Variants in EFHD1 observed in about 807,000 individuals in gnomAD.
EFHD1 encodes EF-hand domain-containing protein D1.
EFHD1 carries 10 observed loss-of-function variants against 17.2 expected under a neutral mutation model. The observed-to-expected ratio is 0.58, with a 90% confidence interval of 0.36 to 0.99. The LOEUF (loss-of-function observed/expected upper bound fraction) is 0.99. EFHD1 is among the 50% of genes least tolerant of loss of function. The pLI, the probability that EFHD1 is intolerant of heterozygous loss-of-function variation, is 0.01. For missense variants in EFHD1, 310 were observed against 327.5 expected (o/e 0.95, Z 0.41); for synonymous variants, 153 against 142.0 (o/e 1.08, Z -0.55).
chr2:232,615,288 C>T (rs937977837), intron 1 of EFHD1, among the ~76,000 whole-genome samples: 5 of 149,860 alleles, frequency 3.3e-5, no homozygotes, highest in Non-Finnish European at 7.4e-5. Flanking sequence ...CCTTAACCCC[C>T]TGCATTGTTC....
chr2:232,639,460 C>G (rs1446055682), intron 1 of EFHD1, among the ~76,000 whole-genome samples: 1 of 151,914 alleles, frequency 6.6e-6, no homozygotes, highest in African/African-American at 2.4e-5. Context: ...GCGCTGGGAT[C>G]ATAGGCATGG....
intron 1 of EFHD1, among the ~76,000 whole-genome samples, chr2:232,653,369 C>A (rs1052710994): frequency 6.6e-6 from 1 of 152,176 alleles, no homozygotes; most frequent in Admixed American, 6.5e-5. Flanking sequence ...TGGCTCACCA[C>A]AACCTCCACC....
chr2:232,623,330 G>A (rs1393486707), intron 1 of EFHD1, among the ~76,000 whole-genome samples: 1 of 152,192 alleles, frequency 6.6e-6, no homozygotes, highest in African/African-American at 2.4e-5. Flanking sequence ...ACTGGTGTGA[G>A]TCACGGCACC....
upstream of EFHD1, among the ~76,000 whole-genome samples, chr2:232,628,873 C>T (rs537767367): frequency 1.3e-5 from 2 of 152,280 alleles, no homozygotes; most frequent in Admixed American, 1.3e-4. Flanking sequence ...TCTGAGGCTA[C>T]ATCACAAAAG....
At chr2:232,620,265 G>A (rs1288014570) in intron 1 of EFHD1, among the ~76,000 whole-genome samples, 2 of 151,578 alleles carry the variant, frequency 1.3e-5, no homozygotes, top group Middle Eastern at 3.2e-3. Flanking sequence ...GCAGGCACCT[G>A]TAGTCCCAGC....
chr2:232,650,683 C>T (rs1451239041), intron 1 of EFHD1, among the ~76,000 whole-genome samples: 2 of 150,386 alleles, frequency 1.3e-5, no homozygotes, highest in South Asian at 2.1e-4. Flanking sequence ...ATTCTTGTGC[C>T]TCAGCCTCCC....
intron 1 of EFHD1, among the ~76,000 whole-genome samples, chr2:232,655,824 TGAGTCG>T (rs1694751610): frequency 7.4e-6 from 1 of 135,738 alleles, no homozygotes; most frequent in Non-Finnish European, 1.6e-5. Context: ...TTTTTTTTTT[TGAGTCG>T]GAATCTTGCT....
At position 232,633,757 on chromosome 2, in the gene EFHD1, AG is replaced by A. The variant is rs747814818; in HGVS notation, c.55del (p.Ala19ProfsTer37). 3.4e-6 allele frequency: 5 copies of A among 1,468,008 alleles called. No homozygotes were observed. The South Asian group carries it at 6.5e-5, about 19-fold the overall frequency. 90.9% of individuals were successfully genotyped at this position (1,468,008 alleles called of 1,614,324 possible). On this transcript the variant is annotated frameshift_variant, in exon 1 of 4. Transcript: ENST00000264059. LOFTEE classifies it high-confidence loss of function. ...CTGGAGCGCCGGCTGCGGCGCGAGG[AG>A]GCCGAGGAGAGTGGCCCCCAGCTGG... ...CKLERRLRRE[E>X]AEESGPQLAP...
chr2:232,627,582 C>T (rs889226512), intron 1 of EFHD1, among the ~76,000 whole-genome samples: 2 of 152,028 alleles, frequency 1.3e-5, no homozygotes, highest in African/African-American at 4.8e-5. Flanking sequence ...ATTGGATTTT[C>T]TTCATATACT....
intron 1 of EFHD1, among the ~76,000 whole-genome samples, chr2:232,607,432 T>TA (rs747178365): frequency 0.028 from 2,494 of 88,596 alleles, 32 homozygotes; most frequent in Middle Eastern, 0.05. Context: ...TCCTAAAAAT[T>TA]AAAAAAAAAA....
chr2:232,648,183 A>G (rs1268386528), intron 1 of EFHD1, among the ~76,000 whole-genome samples: 2 of 152,192 alleles, frequency 1.3e-5, no homozygotes, highest in Non-Finnish European at 2.9e-5. Flanking sequence ...TGGAGGCTGC[A>G]GTGAGCTAGT....
At chr2:232,632,275 C>T (rs1034369368), upstream of EFHD1, among the ~76,000 whole-genome samples, 2 of 152,178 alleles carry the variant, frequency 1.3e-5, no homozygotes, top group African/African-American at 4.8e-5. Flanking sequence ...CTTTAAAAAA[C>T]GTATTTTCCT....
At chr2:232,668,683 G>C (rs12694914) in intron 2 of EFHD1, among the ~76,000 whole-genome samples, 1 of 152,012 alleles carries the variant, frequency 6.6e-6, no homozygotes, top group Non-Finnish European at 1.5e-5. Context: ...ACCCAGGCTG[G>C]AGTGCAATGG....
At chr2:232,612,734 C>CTT (rs112158565) in intron 1 of EFHD1, among the ~76,000 whole-genome samples, 73 of 133,552 alleles carry the variant, frequency 5.5e-4, no homozygotes, top group African/African-American at 1.5e-3. Context: ...TTTTTCTTTT[C>CTT]TTTTTTTTTT....
chr2:232,647,498 A>G lies in EFHD1; in HGVS notation c.302+13492A>G, dbSNP rs113040994. On this transcript the variant is annotated intron_variant, in intron 1 of 3. Transcript: ENST00000264059. ...CTGGAACTGCACCAGGCACAGCCCA[A>G]ATGGAGTCTAGTGTGGAAACCCTGT... Among the ~76,000 whole-genome samples the G allele has an allele frequency of 1.7e-4, 26 of 152,290 alleles. 2 individuals are homozygous for G. The highest frequency in any genetic ancestry group is 6.3e-4 in the African/African-American group (26 of 41,566).
At chr2:232,617,232 C>A (rs1223218905) in intron 1 of EFHD1, among the ~76,000 whole-genome samples, 1 of 152,218 alleles carries the variant, frequency 6.6e-6, no homozygotes, top group Non-Finnish European at 1.5e-5. Flanking sequence ...ATGACCTAGT[C>A]TCAGAAGTGA....
At chr2:232,637,586 C>T (rs1362562239) in intron 1 of EFHD1, among the ~76,000 whole-genome samples, 1 of 152,090 alleles carries the variant, frequency 6.6e-6, no homozygotes, top group Admixed American at 6.5e-5. Flanking sequence ...TCAAATGATC[C>T]ACCCGCCTCA....
rs151000103 is a variant in EFHD1, at chr2:232,607,629, G to A, written c.14+1456G>A. Among the ~76,000 whole-genome samples the A allele has an allele frequency of 6.6e-5, 10 of 151,628 alleles. No individual in the cohort carries two copies. In the East Asian group the frequency reaches 1.8e-3, roughly 27 times the overall value. On this transcript the variant is annotated intron_variant, in intron 1 of 3. Transcript: ENST00000409613. Reference sequence around the variant, plus strand: ...AAATTAGCTGGGTGTAGTGCCATGCGCTTATAGTCCCAACTAATCAGGAGA... The same window carrying A: ...AAATTAGCTGGGTGTAGTGCCATGCACTTATAGTCCCAACTAATCAGGAGA...
At chr2:232,641,364 G>C (rs150663385) in intron 1 of EFHD1, among the ~76,000 whole-genome samples, 1 of 152,250 alleles carries the variant, frequency 6.6e-6, no homozygotes, top group Non-Finnish European at 1.5e-5. Flanking sequence ...TGGAACGAAA[G>C]GTCTTGCAAG....
Sources: gnomAD v4.1 joint callset for allele counts (sites outside exome capture counted in the v4.1 genomes callset) on GRCh38, gnomAD v4.1.1 for gene constraint, MANE v1.5 for transcripts, NCBI Gene and HGNC (gene_info 2026-07-23, HGNC 2026-07-21) for gene names.